Variants in ZNF831 observed in about 807,000 individuals in gnomAD.
ZNF831 encodes the protein chromosome 20 open reading frame 174.
In ZNF831, 59 loss-of-function variants were observed where a neutral mutation model predicts 95.8. The ratio of observed to expected loss-of-function variants is 0.62; its 90% CI spans 0.50 to 0.77. The LOEUF is 0.77. Among genes scored for constraint, ZNF831 ranks in the 30% least tolerant of loss-of-function variants. The probability of loss-of-function intolerance (pLI) is 0.00; values close to 1 mark genes in which losing one functional copy is unlikely to be tolerated. For synonymous variants in ZNF831, 961 were observed against 925.5 expected, an observed-to-expected ratio of 1.04 and a Z score of -0.70; for missense variants, 2,205 against 2,164.0, an observed-to-expected ratio of 1.02 and a Z score of -0.38.
At chr20:59,146,929 A>G (rs144358402) in intron 2 of ZNF831, 130 of 152,422 alleles carry the variant, frequency 8.5e-4, no homozygotes, top group African/African-American at 3.0e-3. Flanking sequence ...TCTGTGTGGA[A>G]TGCAACAGGC....
chr20:59,151,787 C>G (rs1356021791), intron 2 of ZNF831, among the ~76,000 whole-genome samples: 1 of 152,202 alleles, frequency 6.6e-6, no homozygotes, highest in Admixed American at 6.5e-5. Flanking sequence ...GCCGGCTGAG[C>G]CCCATGTATT....
intron 4 of ZNF831, among the ~76,000 whole-genome samples, chr20:59,235,057 C>G (rs2146708183): frequency 6.6e-6 from 1 of 152,264 alleles, no homozygotes; most frequent in South Asian, 2.1e-4. Context: ...CCCCGGCTCT[C>G]AGTCACTGTC....
At chr20:59,248,422 A>AT (rs1346221217) in intron 4 of ZNF831, among the ~76,000 whole-genome samples, 2 of 152,206 alleles carry the variant, frequency 1.3e-5, no homozygotes, top group Non-Finnish European at 2.9e-5. Flanking sequence ...TTATTTGAGC[A>AT]TTTTTCACAA....
chr20:59,256,655 C>T lies in ZNF831; in HGVS notation c.*1912C>T, dbSNP rs952855871. ...GAATGGTTGATAGAGAAGCTGCTCT[C>T]TCCTTAAAATGCATGGACTCAATGG... On this transcript the variant is annotated 3_prime_UTR_variant, in exon 6 of 6. Coordinates refer to ENST00000371030, the MANE Select transcript of ZNF831 (RefSeq NM_178457.3). 2 of 152,228 alleles carry T rather than the reference C, an allele frequency of 1.3e-5. No individual in the cohort carries two copies. Among genetic ancestry groups the T allele is most frequent in the Non-Finnish European group, 2.9e-5 (2 of 68,058 alleles). The allele number at this position is 152,228 out of a possible 1,614,324, so 9.4% of individuals were successfully genotyped here.
chr20:59,223,747 T>C (rs1188746474), intron 4 of ZNF831, among the ~76,000 whole-genome samples: 1 of 152,246 alleles, frequency 6.6e-6, no homozygotes, highest in Non-Finnish European at 1.5e-5. Context: ...GGTATTCATC[T>C]AGCTCTACGG....
chr20:59,170,517 C>G (rs1981642803), intron 1 of ZNF831, among the ~76,000 whole-genome samples: 1 of 152,106 alleles, frequency 6.6e-6, no homozygotes, highest in Admixed American at 6.5e-5. Context: ...GATTTTAATT[C>G]TTTAAATTTG....
At chr20:59,222,545 G>T (rs1204019419) in intron 4 of ZNF831, among the ~76,000 whole-genome samples, 2 of 151,296 alleles carry the variant, frequency 1.3e-5, no homozygotes, top group African/African-American at 2.4e-5. Flanking sequence ...AGTTACCCAT[G>T]AATTTACCAA....
intron 1 of ZNF831, among the ~76,000 whole-genome samples, chr20:59,175,185 A>G (rs1982047331): frequency 8.6e-6 from 1 of 116,446 alleles, no homozygotes; most frequent in South Asian, 2.9e-4. Flanking sequence ...GAGTTTGACT[A>G]TGACGTGCTT....
intron 1 of ZNF831, among the ~76,000 whole-genome samples, chr20:59,141,729 A>T (rs6015448): frequency 9.1e-4 from 138 of 152,398 alleles, no homozygotes; most frequent in African/African-American, 3.1e-3. Context: ...ATTTTAGAAC[A>T]AAATTAATGA....
chr20:59,211,552 G>T (rs148880962), intron 4 of ZNF831, among the ~76,000 whole-genome samples: 1 of 152,302 alleles, frequency 6.6e-6, no homozygotes, highest in East Asian at 1.9e-4. Flanking sequence ...GAAATCAAAG[G>T]GGCACAGGGG....
intron 3 of ZNF831, among the ~76,000 whole-genome samples, chr20:59,201,482 A>G (rs1201311856): frequency 6.6e-6 from 1 of 152,078 alleles, no homozygotes; most frequent in Non-Finnish European, 1.5e-5. Context: ...TTTCACTTTG[A>G]TGATATTTAA....
chr20:59,168,249 CTTTA>C (rs1187678624), intron 1 of ZNF831, among the ~76,000 whole-genome samples: 2 of 152,126 alleles, frequency 1.3e-5, no homozygotes. Context: ...ATTATTTAGA[CTTTA>C]TTTGAGTTAG....
chr20:59,212,185 G>C (rs1985385601), intron 4 of ZNF831, among the ~76,000 whole-genome samples: 1 of 151,986 alleles, frequency 6.6e-6, no homozygotes, highest in Non-Finnish European at 1.5e-5. Flanking sequence ...TGGAGAGAGA[G>C]TTTTTTAAAA....
rs1291021152 is a variant in ZNF831, at chr20:59,254,647, C to G, written c.4938C>G (p.Leu1646=). ...IEIPEAPSKS[L]KKRSLEGMRK... is the part of the protein sequence containing the mutation. ...TTCCTGAAGCCCCTTCTAAATCCCT[C>G]AAGAAGAGGAGTCTGGAAGGAATGA... The change falls in exon 6 of 6, where the codon CTC becomes CTG. Residue 1646 remains leucine, a synonymous_variant. Transcript: ENST00000371030. The surrounding 1 kb of genome is among the most constrained non-coding windows in gnomAD (Gnocchi z 4.5). The G allele has an allele frequency of 9.3e-6, 15 of 1,613,944 alleles. No individual in the cohort carries two copies. Among genetic ancestry groups the G allele is most frequent in the Non-Finnish European group, 1.3e-5 (15 of 1,180,036 alleles).
At chr20:59,205,069 G>C (rs1325969090) in intron 3 of ZNF831, among the ~76,000 whole-genome samples, 1 of 152,120 alleles carries the variant, frequency 6.6e-6, no homozygotes, top group Non-Finnish European at 1.5e-5. Context: ...TTTGCGTGAG[G>C]AGAAAGACCC....
At chr20:59,134,973 A>G (rs1013583682) in intron 1 of ZNF831, among the ~76,000 whole-genome samples, 4 of 152,112 alleles carry the variant, frequency 2.6e-5, no homozygotes, top group Non-Finnish European at 4.4e-5. Flanking sequence ...AGATGGAAAA[A>G]AAACCATCTG....
chr20:59,233,234 A>G (rs1159098005), intron 4 of ZNF831, among the ~76,000 whole-genome samples: 3 of 152,152 alleles, frequency 2.0e-5, no homozygotes, highest in Non-Finnish European at 4.4e-5. Context: ...CCAGAGGCTC[A>G]GGAGCTGTTG....
rs1473567003 is a variant in ZNF831 at position 59,194,507 on chromosome 20, G to A, written c.3488G>A (p.Ser1163Asn). 1 of 1,610,216 alleles carries A rather than the reference G, an allele frequency of 6.2e-7. No homozygotes were observed. The highest frequency in any genetic ancestry group is 8.5e-7 in the Non-Finnish European group (1 of 1,178,268). Reference protein sequence around the residue: ...SSHSGTSRSHSTRSPHSTQNP... With the variant: ...SSHSGTSRSHNTRSPHSTQNP... Reference sequence around the variant, plus strand: ...CACTCAGGGACGTCCCGGAGCCACAGCACCCGCAGTCCCCACAGCACCCAA... The same window carrying A: ...CACTCAGGGACGTCCCGGAGCCACAACACCCGCAGTCCCCACAGCACCCAA... Residue 1163 changes from serine to asparagine, a missense_variant, in exon 2 of 6, where the codon AGC becomes AAC. Physicochemically the swap from Ser to Asn is conservative, Grantham distance 46. Transcript: ENST00000371030.
At chr20:59,164,522 A>G (rs1981099944) in intron 1 of ZNF831, among the ~76,000 whole-genome samples, 1 of 152,214 alleles carries the variant, frequency 6.6e-6, no homozygotes, top group Non-Finnish European at 1.5e-5. Context: ...TGATGAACCT[A>G]ATTAAACTGA....
Sources: allele counts gnomAD v4.1 joint callset (sites outside exome capture counted in the v4.1 genomes callset), GRCh38; gene constraint gnomAD v4.1.1; non-coding constraint Gnocchi (gnomAD v3.1); transcripts MANE v1.5; gene names NCBI Gene and HGNC (gene_info 2026-07-23, HGNC 2026-07-21).